TMEM204: variants seen among roughly 807,000 people sequenced by gnomAD.
TMEM204 encodes the protein claudin-like protein 24.
TMEM204 carries 15 observed loss-of-function variants against 19.4 expected under a neutral mutation model. The ratio of observed to expected loss-of-function variants is 0.77; its 90% CI spans 0.52 to 1.19. The LOEUF is 1.19. Ranked by LOEUF, TMEM204 falls within the 50% of genes most tolerant of loss-of-function variation. The probability of loss-of-function intolerance (pLI) is 0.00; values close to 1 mark genes in which losing one functional copy is unlikely to be tolerated. For missense variants in TMEM204, 287 were observed against 321.2 expected (o/e 0.89, Z 0.81); for synonymous variants, 161 against 146.0 (o/e 1.10, Z -0.74).
chr16:1,550,499 G>T (rs1000054839), intron 2 of TMEM204, among the ~76,000 whole-genome samples: 6 of 152,280 alleles, frequency 3.9e-5, no homozygotes, highest in Non-Finnish European at 7.3e-5. Context: ...TCAGGAAGCA[G>T]CGTGTGATGC....
At chr16:1,538,201 G>A (rs2031270648) in intron 1 of TMEM204, among the ~76,000 whole-genome samples, 1 of 152,230 alleles carries the variant, frequency 6.6e-6, no homozygotes, top group African/African-American at 2.4e-5. Context: ...GGGTGCCCTT[G>A]TGGTGAGCCA....
intron 2 of TMEM204, among the ~76,000 whole-genome samples, chr16:1,554,509 C>T (rs1361035063): frequency 6.6e-6 from 1 of 152,180 alleles, no homozygotes; most frequent in Non-Finnish European, 1.5e-5. Flanking sequence ...CAGACACATA[C>T]CACCCCTCCA....
Position 1,533,985 on chromosome 16 carries a change from G to A in TMEM204, c.-291G>A. The A allele has an allele frequency of 4.3e-6, 2 of 464,514 alleles. No homozygotes were observed. The highest frequency in any genetic ancestry group is 4.3e-5 in the Admixed American group (1 of 23,476). 28.8% of individuals were successfully genotyped at this position (464,514 alleles called of 1,614,324 possible). A position where few individuals can be genotyped will look rare whatever the true frequency, so the allele number is the denominator to read the frequency against. ...CCGGCCTCCGCTTCCCGGGAAGACG[G>A]CGCACTCCTGGCCCTGGGTTCTTGC... On this transcript the variant is annotated 5_prime_UTR_variant, in exon 1 of 3. Coordinates refer to ENST00000566264, the MANE Select transcript of TMEM204 (RefSeq NM_024600.6). This position sits in a 1 kb window ranked among gnomAD's most constrained non-coding sequence, Gnocchi z 4.7.
chr16:1,534,988 T>C (rs939339387), intron 1 of TMEM204, among the ~76,000 whole-genome samples: 6 of 152,072 alleles, frequency 3.9e-5, no homozygotes, highest in African/African-American at 1.2e-4. Flanking sequence ...GAGGACTGCT[T>C]GAGGCCAAGA....
chr16:1,535,997 G>A (rs991290715), intron 1 of TMEM204, among the ~76,000 whole-genome samples: 15 of 152,364 alleles, frequency 9.8e-5, no homozygotes, highest in African/African-American at 3.6e-4. Context: ...TTACTGTGCT[G>A]AACCTCTCGC....
intron 2 of TMEM204, among the ~76,000 whole-genome samples, chr16:1,542,726 C>T (rs922286213): frequency 1.4e-4 from 22 of 152,382 alleles, no homozygotes; most frequent in East Asian, 1.9e-4. Flanking sequence ...GTGCCTGGCT[C>T]GGACACTGAT....
intron 2 of TMEM204, among the ~76,000 whole-genome samples, chr16:1,542,645 G>C (rs2031760607): frequency 6.6e-6 from 1 of 152,272 alleles, no homozygotes; most frequent in Non-Finnish European, 1.5e-5. Context: ...GGACAAGACA[G>C]AGTGAGAACA....
rs775525367 is a variant in TMEM204, at chr16:1,533,875, G to A, written c.-401G>A. On this transcript the variant is annotated 5_prime_UTR_variant, in exon 1 of 3. Transcript: ENST00000566264. This position sits in a 1 kb window ranked among gnomAD's most constrained non-coding sequence, Gnocchi z 4.7. ...GCAGGCCGGTGCTAAGGAGTGTGGC[G>A]CGGGCTCGACTCCCACTGCTGCCGG... is the stretch of plus-strand genomic sequence containing the variant. 1.8e-5 allele frequency: 5 copies of A among 276,764 alleles called. No individual in the cohort carries two copies. Among genetic ancestry groups the A allele is most frequent in the Admixed American group, 5.4e-5 (1 of 18,414 alleles). The allele number at this position is 276,764 out of a possible 1,614,324, so 17.1% of individuals were successfully genotyped here.
chr16:1,549,011 C>G (rs2032413835), intron 2 of TMEM204, among the ~76,000 whole-genome samples: 1 of 152,262 alleles, frequency 6.6e-6, no homozygotes, highest in South Asian at 2.1e-4. Context: ...CAGGAGCCAC[C>G]TGGCGCTCTC....
In TMEM204 at chr16:1,534,451, C is replaced by T. The variant is rs778930774; in HGVS notation, c.176C>T (p.Pro59Leu). 1.6e-5 allele frequency: 26 copies of T among 1,611,436 alleles called. No individual in the cohort carries two copies. The highest frequency in any genetic ancestry group is 6.7e-5 in the Admixed American group (4 of 59,950). Residue 59 changes from proline to leucine, a missense_variant, in exon 1 of 3, where the codon CCG becomes CTG. Transcript: ENST00000566264. ...CTGGTGGACAGGACCCGGGGAGGGCCGAGCCCTGGGGCCAGAGCCGGCCAG... is the reference window on the plus strand; with the variant it reads ...CTGGTGGACAGGACCCGGGGAGGGCTGAGCCCTGGGGCCAGAGCCGGCCAG... ...CWLVDRTRGG[P>L]SPGARAGQVD...
chr16:1,529,369 C>T (rs537650529), upstream of TMEM204, among the ~76,000 whole-genome samples: 15 of 152,342 alleles, frequency 9.8e-5, no homozygotes, highest in South Asian at 1.5e-3. Context: ...CCATTGCATG[C>T]GTGTCCTCTG....
At chr16:1,540,975 A>C (rs2031576903) in intron 1 of TMEM204, 1 of 985,204 alleles carries the variant, frequency 1.0e-6, no homozygotes, top group African/African-American at 1.7e-5. Flanking sequence ...CTGCTTCACC[A>C]CCACCTCATT....
intron 2 of TMEM204, among the ~76,000 whole-genome samples, chr16:1,544,253 G>A (rs1334853319): frequency 6.6e-6 from 1 of 150,600 alleles, no homozygotes; most frequent in African/African-American, 2.5e-5. Flanking sequence ...GCACAATCTC[G>A]GCTCACTGCA....
Position 1,534,514 on chromosome 16 carries a change from C to T in TMEM204, c.239C>T (p.Ser80Phe). 6.2e-7 allele frequency: 1 copy of T among 1,607,328 alleles called. No individual in the cohort carries two copies. Among genetic ancestry groups the T allele is most frequent in the Non-Finnish European group, 8.5e-7 (1 of 1,179,880 alleles). ...AHDCEALGWG[S>F]EAAGFQESRG... ...GACTGTGAGGCGCTGGGCTGGGGCT[C>T]CGAGGCAGCCGGCTTCCAGGAGTCC... The change falls in exon 1 of 3, where the codon TCC becomes TTC. Residue 80 changes from serine to phenylalanine, a missense_variant. Transcript: ENST00000566264.
At chr16:1,542,493 T>C (rs1266293674) in intron 2 of TMEM204, among the ~76,000 whole-genome samples, 2 of 152,330 alleles carry the variant, frequency 1.3e-5, no homozygotes, top group East Asian at 3.9e-4. Flanking sequence ...GAAGAGCCCA[T>C]GCCTGGCCCT....
chr16:1,554,117 G>A (rs2032897758), intron 2 of TMEM204: 8 of 1,287,152 alleles, frequency 6.2e-6, no homozygotes, highest in Admixed American at 4.6e-5. Context: ...GCACTGACTC[G>A]GAAGTGAGGG....
chr16:1,544,890 C>T (rs987101751), intron 2 of TMEM204, among the ~76,000 whole-genome samples: 51 of 152,106 alleles, frequency 3.4e-4, no homozygotes, highest in Admixed American at 5.9e-4. Flanking sequence ...CCTTGTGATC[C>T]GCCCGCCTCG....
chr16:1,552,572 C>T (rs569560157), intron 2 of TMEM204, among the ~76,000 whole-genome samples: 21 of 152,090 alleles, frequency 1.4e-4, no homozygotes, highest in South Asian at 6.2e-4. Flanking sequence ...ACCACACAAT[C>T]GTGAGCAGAG....
rs776217442 is a variant in TMEM204, at chr16:1,542,036, G to A, written c.396G>A (p.Pro132=). 8.2e-5 allele frequency: 132 copies of A among 1,610,812 alleles called. No individual in the cohort carries two copies. The highest frequency in any genetic ancestry group is 5.0e-4 in the Middle Eastern group (3 of 6,054). ...VGLPLLSPDA[P]CWEEAMAAAF... The stretch of plus-strand genomic sequence containing the variant: ...TGCCCCTGCTGTCACCCGACGCCCC[G>A]TGCTGGGAGGAGGCCATGGCCGCTG... Residue 132 remains proline (P), a synonymous_variant, in exon 2 of 3, where the codon CCG becomes CCA. Transcript: ENST00000566264.
Sources: allele counts gnomAD v4.1 joint callset (sites outside exome capture counted in the v4.1 genomes callset), GRCh38; gene constraint gnomAD v4.1.1; non-coding constraint Gnocchi (gnomAD v3.1); transcripts MANE v1.5; gene names NCBI Gene and HGNC (gene_info 2026-07-23, HGNC 2026-07-21).